DOCK2: variants seen among roughly 807,000 people sequenced by gnomAD.
DOCK2 encodes the protein dedicator of cytokinesis protein 2.
Under a neutral mutation model 248.9 loss-of-function variants are expected in DOCK2, and 87 were observed. The observed-to-expected ratio is 0.35, with a 90% CI of 0.29 to 0.42. DOCK2 has a LOEUF of 0.42. Among genes scored for constraint, DOCK2 ranks in the 10% least tolerant of loss-of-function variants. The pLI, the probability that DOCK2 is intolerant of heterozygous loss-of-function variation, is 1.00. For missense variants in DOCK2, 1,747 were observed against 2,300.2 expected (o/e 0.76, Z 4.92); for synonymous variants, 805 against 821.6 (o/e 0.98, Z 0.35).
At chr5:169,704,937 A>G (rs1012764939) in intron 14 of DOCK2, among the ~76,000 whole-genome samples, 10 of 152,138 alleles carry the variant, frequency 6.6e-5, no homozygotes, top group Admixed American at 2.0e-4. Flanking sequence ...CAAGGGGGGC[A>G]GATCACTTGA....
At chr5:170,015,874 TCTTCCTTCCCTCCTTC>T (rs1272479690) in intron 32 of DOCK2, among the ~76,000 whole-genome samples, 4 of 149,282 alleles carry the variant, frequency 2.7e-5, no homozygotes, top group African/African-American at 9.8e-5. Context: ...CTCCCTCCTT[TCTTCCTTCCCTCCTTC>T]CTTCCTTTCT....
At chr5:170,061,224 G>A (rs1291548055) in intron 44 of DOCK2, among the ~76,000 whole-genome samples, 1 of 151,776 alleles carries the variant, frequency 6.6e-6, no homozygotes, top group Non-Finnish European at 1.5e-5. Flanking sequence ...AAGAAACTGA[G>A]GCTCAGCTTA....
At position 169,752,193 on chromosome 5, in the gene DOCK2, G is replaced by A. The variant is rs551090928; in HGVS notation, c.2376+4689G>A. Reference sequence around the variant, plus strand: ...AGTAAAAGACATATGGCGATGTTGTGCAGGCCAATTTGCCCCACTCTCCTT... The same window carrying A: ...AGTAAAAGACATATGGCGATGTTGTACAGGCCAATTTGCCCCACTCTCCTT... On this transcript the variant is annotated intron_variant, in intron 23 of 51. Transcript: ENST00000520908. Among the ~76,000 whole-genome samples, 144 of 152,290 alleles carry A rather than the reference G, an allele frequency of 9.5e-4. 1 individual carries two copies. Among genetic ancestry groups the A allele is most frequent in the African/African-American group, 3.3e-3 (137 of 41,548 alleles).
chr5:170,011,577 T>A (rs1343590323), intron 32 of DOCK2, among the ~76,000 whole-genome samples: 1 of 152,188 alleles, frequency 6.6e-6, no homozygotes, highest in African/African-American at 2.4e-5. Context: ...GCTTCTCTTG[T>A]TCCTGGCTAC....
chr5:169,783,023 G>A (rs886815074), intron 25 of DOCK2, among the ~76,000 whole-genome samples: 2 of 152,188 alleles, frequency 1.3e-5, no homozygotes, highest in Non-Finnish European at 2.9e-5. Flanking sequence ...TCCTCAAGGA[G>A]CTTGCCTTTA....
intron 22 of DOCK2, 64 bp from the exon 23 acceptor site, chr5:169,747,332 A>G: frequency 1.4e-6 from 2 of 1,439,398 alleles, no homozygotes; most frequent in Non-Finnish European, 1.9e-6. Context: ...GTTTGTGCCT[A>G]GTACACACTT....
At chr5:170,076,331 T>C (rs1383519078) in intron 47 of DOCK2, among the ~76,000 whole-genome samples, 1 of 152,188 alleles carries the variant, frequency 6.6e-6, no homozygotes, top group East Asian at 1.9e-4. Flanking sequence ...AGGGACTGTG[T>C]AATAATAATG....
chr5:169,646,608 C>T (rs562145036), intron 1 of DOCK2, among the ~76,000 whole-genome samples: 66 of 152,270 alleles, frequency 4.3e-4, no homozygotes, highest in African/African-American at 1.4e-3. Context: ...ATAGCAGGAA[C>T]GTGGTAGGTC....
intron 27 of DOCK2, among the ~76,000 whole-genome samples, chr5:169,923,082 C>T (rs1033624080): frequency 6.6e-6 from 1 of 152,138 alleles, no homozygotes; most frequent in Non-Finnish European, 1.5e-5. Flanking sequence ...ACAGAGCCAC[C>T]ACCTCATGGA....
At chr5:169,819,771 G>A (rs2113227877) in intron 26 of DOCK2, among the ~76,000 whole-genome samples, 1 of 152,348 alleles carries the variant, frequency 6.6e-6, no homozygotes, top group East Asian at 1.9e-4. Flanking sequence ...CGGACAGTGA[G>A]TGCAGGACAG....
At chr5:170,037,675 G>A (rs561568575) in intron 36 of DOCK2, among the ~76,000 whole-genome samples, 7 of 151,856 alleles carry the variant, frequency 4.6e-5, no homozygotes, top group East Asian at 1.9e-4. Flanking sequence ...TAGTAGAGAC[G>A]GGGTTTCACC....
intron 27 of DOCK2, among the ~76,000 whole-genome samples, chr5:169,863,304 T>A (rs1771320594): frequency 6.6e-6 from 1 of 152,238 alleles, no homozygotes; most frequent in African/African-American, 2.4e-5. Context: ...TTTGAACCTA[T>A]CTACACGGCT....
chr5:170,019,654 G>C (rs1755653936), intron 33 of DOCK2, among the ~76,000 whole-genome samples: 1 of 152,168 alleles, frequency 6.6e-6, no homozygotes, highest in Non-Finnish European at 1.5e-5. Flanking sequence ...TGAAACACGA[G>C]AGCCATTGGC....
intron 30 of DOCK2, among the ~76,000 whole-genome samples, chr5:170,005,038 G>A (rs1337706530): frequency 6.9e-6 from 1 of 144,862 alleles, no homozygotes; most frequent in Non-Finnish European, 1.5e-5. Context: ...TGCACAATGT[G>A]CACATGTACC....
At chr5:169,983,247 CCTGT>C (rs1170184942) in intron 28 of DOCK2, 81 bp downstream of exon 28, 2 of 1,402,336 alleles carry the variant, frequency 1.4e-6, no homozygotes, top group African/African-American at 1.4e-5. Flanking sequence ...GAGAGACCTG[CCTGT>C]CTATCACATA....
chr5:169,882,721 T>C, intron 27 of DOCK2: 1 of 1,551,978 alleles, frequency 6.4e-7, no homozygotes, highest in South Asian at 1.2e-5. Flanking sequence ...AATCTCCCTG[T>C]TGCTCTGAAG....
intron 3 of DOCK2, 132 bp downstream of exon 3, chr5:169,669,460 C>T: frequency 2.1e-6 from 2 of 938,374 alleles, no homozygotes; most frequent in Non-Finnish European, 3.3e-6. Context: ...GTGCCCTGTG[C>T]TCTCTGACCT....
chr5:169,656,510 G>A (rs1758129067), intron 2 of DOCK2, among the ~76,000 whole-genome samples: 1 of 152,022 alleles, frequency 6.6e-6, no homozygotes, highest in African/African-American at 2.4e-5. Context: ...ACGGGGTTTC[G>A]CCATGTTGGC....
intron 25 of DOCK2, among the ~76,000 whole-genome samples, chr5:169,795,258 A>C (rs1766575009): frequency 6.6e-6 from 1 of 152,096 alleles, no homozygotes. Flanking sequence ...TTCCTTAAGG[A>C]TTTACCGCCT....
Sources: gnomAD v4.1 joint callset for allele counts (sites outside exome capture counted in the v4.1 genomes callset) on GRCh38, gnomAD v4.1.1 for gene constraint, MANE v1.5 for transcripts, NCBI Gene and HGNC (gene_info 2026-07-23, HGNC 2026-07-21) for gene names.